DLGAP1: variants seen among roughly 807,000 people sequenced by gnomAD.
DLGAP1 encodes DLG associated protein 1.
In DLGAP1, 11 loss-of-function variants were observed where a neutral mutation model predicts 90.8. The ratio of observed to expected loss-of-function variants is 0.12; its 90% CI spans 0.08 to 0.20. DLGAP1 has a LOEUF of 0.20. Ranked by LOEUF, DLGAP1 falls within the 10% of genes least tolerant of loss-of-function variation. DLGAP1 has a pLI of 1.00. For synonymous variants in DLGAP1, 558 were observed against 540.7 expected (o/e 1.03, Z -0.44); for missense variants, 1,050 against 1,333.8 (o/e 0.79, Z 3.31).
At chr18:4,377,814 C>T (rs2082044278) in intron 1 of DLGAP1, among the ~76,000 whole-genome samples, 1 of 151,928 alleles carries the variant, frequency 6.6e-6, no homozygotes. Context: ...TTTCAGAAGA[C>T]AACTTGGCTG....
chr18:4,403,079 A>G (rs2082590217), intron 1 of DLGAP1, among the ~76,000 whole-genome samples: 1 of 152,178 alleles, frequency 6.6e-6, no homozygotes, highest in South Asian at 2.1e-4. Flanking sequence ...CTAAAGGTGT[A>G]TTTTCTACAT....
At chr18:4,045,429 C>CAAAAAAAAA (rs1329702363) in intron 2 of DLGAP1, among the ~76,000 whole-genome samples, 1 of 32,844 alleles carries the variant, frequency 3.0e-5, no homozygotes, top group East Asian at 8.5e-4. Context: ...GACCCCATCT[C>CAAAAAAAAA]TACAAAAAAA....
At chr18:3,523,856 A>AAAT (rs1555667132) in intron 10 of DLGAP1, among the ~76,000 whole-genome samples, 1 of 151,888 alleles carries the variant, frequency 6.6e-6, no homozygotes, top group Non-Finnish European at 1.5e-5. Context: ...TCAAAAAAAA[A>AAAT]AAAAAGGAGG....
intron 1 of DLGAP1, among the ~76,000 whole-genome samples, chr18:4,181,752 A>G (rs2077211844): frequency 6.6e-6 from 1 of 151,772 alleles, no homozygotes; most frequent in South Asian, 2.1e-4. Context: ...CATGGGCTGT[A>G]TTTATGTATG....
At chr18:4,282,743 G>A (rs2079583733) in intron 1 of DLGAP1, among the ~76,000 whole-genome samples, 1 of 152,170 alleles carries the variant, frequency 6.6e-6, no homozygotes, top group Admixed American at 6.5e-5. Context: ...TCACATAACT[G>A]GGGGCTGGCA....
chr18:4,199,970 C>T (rs1003513473), intron 1 of DLGAP1, among the ~76,000 whole-genome samples: 12 of 152,158 alleles, frequency 7.9e-5, no homozygotes, highest in African/African-American at 2.9e-4. Flanking sequence ...ATCATGGTCT[C>T]ATCATCCAAA....
chr18:3,942,145 G>A (rs577823203), intron 3 of DLGAP1, among the ~76,000 whole-genome samples: 1 of 152,146 alleles, frequency 6.6e-6, no homozygotes, highest in Non-Finnish European at 1.5e-5. Flanking sequence ...GACCTGAAGT[G>A]AGCTAATGAG....
Position 4,155,954 on chromosome 18 carries a change from C to T in DLGAP1, c.-266-4667G>A, listed in dbSNP as rs141754662. Among the ~76,000 whole-genome samples, 370 of 152,180 alleles carry T rather than the reference C, an allele frequency of 2.4e-3. 1 individual carries two copies. Among genetic ancestry groups the T allele is most frequent in the African/African-American group, 8.2e-3 (340 of 41,510 alleles). ...ACCTGGAGACAGGCAACATTTGCTC[C>T]GACTCGGGTGGGGCTGAGGAGCAGT... On this transcript the variant is annotated intron_variant, in intron 1 of 12. Transcript: ENST00000315677.
chr18:3,808,320 G>A (rs115262300), intron 5 of DLGAP1, among the ~76,000 whole-genome samples: 1,572 of 151,280 alleles, frequency 0.01, 24 homozygotes, highest in African/African-American at 0.036. Flanking sequence ...TAGTCAGGTC[G>A]CGTTTCTTAT....
intron 1 of DLGAP1, among the ~76,000 whole-genome samples, chr18:4,322,113 T>G (rs983425351): frequency 1.3e-5 from 2 of 151,894 alleles, no homozygotes; most frequent in African/African-American, 4.8e-5. Flanking sequence ...GGCATGAGAA[T>G]GGCTTGAACC....
At chr18:3,947,467 A>G (rs1364222262) in intron 3 of DLGAP1, among the ~76,000 whole-genome samples, 1 of 152,200 alleles carries the variant, frequency 6.6e-6, no homozygotes, top group Non-Finnish European at 1.5e-5. Flanking sequence ...TGTTTCACAT[A>G]GACACTGGTC....
At chr18:4,301,211 T>C (rs1203642905) in intron 1 of DLGAP1, among the ~76,000 whole-genome samples, 1 of 152,148 alleles carries the variant, frequency 6.6e-6, no homozygotes, top group Non-Finnish European at 1.5e-5. Flanking sequence ...TGCTATGCAA[T>C]AAATCTCAAA....
intron 3 of DLGAP1, among the ~76,000 whole-genome samples, chr18:3,923,872 G>C (rs2072322067): frequency 1.3e-5 from 2 of 152,136 alleles, no homozygotes; most frequent in African/African-American, 4.8e-5. Flanking sequence ...TCAAAGTCGT[G>C]GCATCTAAGT....
intron 1 of DLGAP1, chr18:4,248,470 C>CTACTT (rs2078701452): frequency 2.0e-5 from 3 of 152,158 alleles, no homozygotes; most frequent in Admixed American, 1.3e-4. Flanking sequence ...CTTTAACTAA[C>CTACTT]TGCCTAACTG....
chr18:3,502,285 C>A, intron 12 of DLGAP1: 1 of 1,334,050 alleles, frequency 7.5e-7, no homozygotes, highest in Non-Finnish European at 9.6e-7. Flanking sequence ...TTCACAAAGA[C>A]AGGTTTTTCT....
chr18:3,923,649 T>G (rs775571367), intron 3 of DLGAP1, among the ~76,000 whole-genome samples: 42 of 152,330 alleles, frequency 2.8e-4, no homozygotes, highest in Non-Finnish European at 5.9e-4. Flanking sequence ...ATCACTTTAG[T>G]TTCCATTTTT....
At chr18:4,325,847 A>G (rs2080805844) in intron 1 of DLGAP1, among the ~76,000 whole-genome samples, 1 of 152,196 alleles carries the variant, frequency 6.6e-6, no homozygotes, top group African/African-American at 2.4e-5. Flanking sequence ...CTTACACCAC[A>G]TACAAAAATA....
intron 2 of DLGAP1, among the ~76,000 whole-genome samples, chr18:4,081,960 C>T (rs559107073): frequency 6.6e-6 from 1 of 152,208 alleles, no homozygotes; most frequent in Admixed American, 6.5e-5. Flanking sequence ...GTAATCCCAG[C>T]ACTATGGGAG....
At chr18:4,140,330 CA>C (rs1292665282) in intron 2 of DLGAP1, among the ~76,000 whole-genome samples, 1 of 151,672 alleles carries the variant, frequency 6.6e-6, no homozygotes, top group African/African-American at 2.4e-5. Context: ...TCTTGTAACC[CA>C]TTATTTTAAA....
Sources: allele counts gnomAD v4.1 joint callset (sites outside exome capture counted in the v4.1 genomes callset), GRCh38; gene constraint gnomAD v4.1.1; transcripts MANE v1.5; gene names NCBI Gene and HGNC (gene_info 2026-07-23, HGNC 2026-07-21).